The following AAMDC variants were observed in gnomAD, a reference collection of about 807,000 sequenced individuals.
The protein encoded by AAMDC is mth938 domain-containing protein.
Under a neutral mutation model 15.5 loss-of-function variants are expected in AAMDC, and 16 were observed. The ratio of observed to expected loss-of-function variants is 1.03; its 90% CI spans 0.70 to 1.57. AAMDC has a LOEUF of 1.57. Among genes scored for constraint, AAMDC ranks in the 40% most tolerant of loss-of-function variants. The probability of loss-of-function intolerance (pLI) is 0.00; values close to 1 mark genes in which losing one functional copy is unlikely to be tolerated. For synonymous variants in AAMDC, 51 were observed against 51.6 expected (o/e 0.99, Z 0.05); for missense variants, 141 against 144.9 (o/e 0.97, Z 0.14).
At chr11:77,841,017 A>G in intron 1 of AAMDC, 1 of 522,610 alleles carries the variant, frequency 1.9e-6, no homozygotes, top group South Asian at 3.5e-5. Flanking sequence ...TTTTTCTCAC[A>G]GTTCTGGAGG....
downstream of AAMDC, among the ~76,000 whole-genome samples, chr11:77,873,143 G>A (rs1157836151): frequency 6.6e-6 from 1 of 152,092 alleles, no homozygotes; most frequent in East Asian, 1.9e-4. Context: ...AGAACTATGG[G>A]CTTTGGTGTC....
At chr11:77,865,196 GGATTACTTAGCAT>G (rs1340624633) in intron 2 of AAMDC, among the ~76,000 whole-genome samples, 1 of 152,132 alleles carries the variant, frequency 6.6e-6, no homozygotes, top group African/African-American at 2.4e-5. Context: ...GTTTAGTAAT[GGATTACTTAGCAT>G]GATTACTTAG....
At chr11:77,868,984 C>A in intron 2 of AAMDC, 1 of 299,344 alleles carries the variant, frequency 3.3e-6, no homozygotes, top group Non-Finnish European at 6.4e-6. Flanking sequence ...GCCAACAGCA[C>A]GTTGGGTAAT....
At chr11:77,857,604 A>T (rs1950676599) in intron 2 of AAMDC, among the ~76,000 whole-genome samples, 1 of 151,652 alleles carries the variant, frequency 6.6e-6, no homozygotes, top group African/African-American at 2.4e-5. Flanking sequence ...TTTTACTTTA[A>T]GTTCTCGGAT....
At chr11:77,828,166 T>C (rs2136052076) in intron 1 of AAMDC, among the ~76,000 whole-genome samples, 1 of 152,076 alleles carries the variant, frequency 6.6e-6, no homozygotes, top group Non-Finnish European at 1.5e-5. Context: ...TCCCAGCTAC[T>C]AGGGAGGCTG....
chr11:77,896,157 AT>A (rs1952508605), intron 5 of AAMDC, among the ~76,000 whole-genome samples: 1 of 152,328 alleles, frequency 6.6e-6, no homozygotes, highest in Admixed American at 6.5e-5. Flanking sequence ...ATTTAAAAGG[AT>A]ATTACATTGA....
At chr11:77,894,440 A>G (rs1952422746) in intron 5 of AAMDC, 5 of 667,900 alleles carry the variant, frequency 7.5e-6, no homozygotes, top group Middle Eastern at 2.5e-4. Context: ...AAATTAAAGG[A>G]AAATTAGCAT....
chr11:77,840,187 T>TG (rs1491249206), intron 1 of AAMDC, among the ~76,000 whole-genome samples: 2 of 152,150 alleles, frequency 1.3e-5, no homozygotes, highest in Admixed American at 1.3e-4. Context: ...ACTAGGTATC[T>TG]GGGGTTCATG....
intron 2 of AAMDC, among the ~76,000 whole-genome samples, chr11:77,852,224 C>CA (rs545742213): frequency 0.55 from 18,345 of 33,636 alleles, 4,898 homozygotes; most frequent in South Asian, 0.77. Context: ...GACACTGTCT[C>CA]AAAAAAAAAA....
chr11:77,823,588 C>G (rs1011237920), intron 1 of AAMDC, among the ~76,000 whole-genome samples: 1 of 138,074 alleles, frequency 7.2e-6, no homozygotes, highest in Non-Finnish European at 1.5e-5. Flanking sequence ...TGCCACTGCA[C>G]TCCAGCCTGG....
exon 6 of AAMDC, chr11:77,900,633 T>A (rs1952750335): frequency 2.9e-6 from 2 of 700,314 alleles, no homozygotes; most frequent in African/African-American, 3.5e-5. Context: ...TACTTTTTTG[T>A]ATCAAATCTA....
intron 2 of AAMDC, 110 bp downstream of exon 2, chr11:77,842,738 T>C: frequency 7.1e-7 from 1 of 1,410,070 alleles, no homozygotes; most frequent in Non-Finnish European, 9.7e-7. Context: ...CTTTTTGAGA[T>C]ATAATTCATA....
chr11:77,888,094 A>AAAAAGGAACCC (rs1443798878), intron 5 of AAMDC, among the ~76,000 whole-genome samples: 2 of 152,214 alleles, frequency 1.3e-5, no homozygotes, highest in Non-Finnish European at 2.9e-5. Flanking sequence ...ATATGGAACC[A>AAAAAGGAACCC]AAAAAGAGCC....
chr11:77,874,784 C>G (rs1292097118), downstream of AAMDC, among the ~76,000 whole-genome samples: 1 of 152,178 alleles, frequency 6.6e-6, no homozygotes, highest in Non-Finnish European at 1.5e-5. Context: ...CGCCTGTAAT[C>G]CCAGCGCTTT....
chr11:77,824,917 A>G (rs1038022749), intron 1 of AAMDC, among the ~76,000 whole-genome samples: 5 of 152,156 alleles, frequency 3.3e-5, no homozygotes, highest in African/African-American at 1.2e-4. Context: ...CTTTTATACA[A>G]ATTTATACAC....
downstream of AAMDC, among the ~76,000 whole-genome samples, chr11:77,874,412 T>C (rs1590983553): frequency 6.6e-6 from 1 of 150,734 alleles, no homozygotes; most frequent in African/African-American, 2.4e-5. Flanking sequence ...GTGAGACAGC[T>C]CTGGTGGGTG....
At chr11:77,835,638 G>T (rs1253829781) in intron 1 of AAMDC, among the ~76,000 whole-genome samples, 1 of 152,148 alleles carries the variant, frequency 6.6e-6, no homozygotes, top group Non-Finnish European at 1.5e-5. Flanking sequence ...TAAAGTTGGG[G>T]CCAGGCGTGG....
chr11:77,858,289 C>A (rs1293942460), intron 2 of AAMDC, among the ~76,000 whole-genome samples: 1 of 128,316 alleles, frequency 7.8e-6, no homozygotes, highest in East Asian at 2.3e-4. Context: ...CCACCTCCTG[C>A]GTTTAAGCAA....
chr11:77,849,338 C>T (rs1950276504), intron 2 of AAMDC, among the ~76,000 whole-genome samples: 1 of 152,174 alleles, frequency 6.6e-6, no homozygotes, highest in African/African-American at 2.4e-5. Flanking sequence ...TCTCTTGCCT[C>T]AGCCTCCTGA....
Sources: allele counts gnomAD v4.1 joint callset (sites outside exome capture counted in the v4.1 genomes callset), GRCh38; gene constraint gnomAD v4.1.1; transcripts MANE v1.5; gene names NCBI Gene and HGNC (gene_info 2026-07-23, HGNC 2026-07-21).